Variants in TJP1 observed in about 807,000 individuals in gnomAD.
TJP1 encodes tight junction protein ZO-1.
In TJP1, 43 loss-of-function variants were observed where a neutral mutation model predicts 194.2. The ratio of observed to expected loss-of-function variants is 0.22; its 90% confidence interval spans 0.17 to 0.29. The LOEUF is 0.29. TJP1 is among the 10% of genes least tolerant of loss of function. The pLI is 1.00. For missense variants in TJP1, 1,971 were observed against 2,185.7 expected, an observed-to-expected ratio of 0.90 and a Z score of 1.96; for synonymous variants, 801 against 779.0, an observed-to-expected ratio of 1.03 and a Z score of -0.47.
intron 2 of TJP1, among the ~76,000 whole-genome samples, chr15:29,849,180 C>T (rs1046108309): frequency 6.6e-6 from 1 of 152,020 alleles, no homozygotes; most frequent in African/African-American, 2.4e-5. Flanking sequence ...AAATAATTTT[C>T]TTCACGAAAT....
chr15:29,915,392 C>T (rs2054152382), intron 2 of TJP1, among the ~76,000 whole-genome samples: 1 of 152,104 alleles, frequency 6.6e-6, no homozygotes, highest in Non-Finnish European at 1.5e-5. Flanking sequence ...TTCCCCAATT[C>T]CTCTTCTACA....
chr15:29,866,878 G>C (rs1412624501), intron 2 of TJP1, among the ~76,000 whole-genome samples: 1 of 152,172 alleles, frequency 6.6e-6, no homozygotes, highest in Non-Finnish European at 1.5e-5. Flanking sequence ...GAGACAACCA[G>C]GAAGACAGCG....
chr15:29,741,537 G>A (rs2044419968), intron 9 of TJP1, 101 bp from the exon 10 acceptor site: 1 of 743,008 alleles, frequency 1.3e-6, no homozygotes, highest in South Asian at 1.7e-5. Context: ...AGAACCTGAT[G>A]AGGAACATAT....
At position 29,856,159 on chromosome 15, in the gene TJP1, G is replaced by A. The variant is rs910010081; in HGVS notation, c.307-55457C>T. Among the ~76,000 whole-genome samples the A allele has an allele frequency of 5.3e-5, 8 of 152,244 alleles. No homozygotes were observed. The East Asian group carries it at 9.7e-4, about 18-fold the overall frequency. On this transcript the variant is annotated intron_variant, in intron 2 of 28. Transcript: ENST00000356107. ...AAAATGAATGTAGCCAGGAGAGGTGGCATGCACCTGTAGTCTTAGCTACTC... is the reference window on the plus strand; with the variant it reads ...AAAATGAATGTAGCCAGGAGAGGTGACATGCACCTGTAGTCTTAGCTACTC...
At chr15:29,893,867 A>C (rs1567172864) in intron 2 of TJP1, among the ~76,000 whole-genome samples, 1 of 152,154 alleles carries the variant, frequency 6.6e-6, no homozygotes, top group Non-Finnish European at 1.5e-5. Context: ...TAAAAAAACA[A>C]AACTTCTGAA....
chr15:29,817,325 G>A (rs538497903), intron 1 of TJP1, among the ~76,000 whole-genome samples: 10 of 152,262 alleles, frequency 6.6e-5, no homozygotes, highest in African/African-American at 2.4e-4. Flanking sequence ...TAGAAAGTCA[G>A]GAAACAACAG....
chr15:29,702,145 A>G (rs746253064), intron 27 of TJP1, among the ~76,000 whole-genome samples: 3 of 151,634 alleles, frequency 2.0e-5, no homozygotes, highest in Non-Finnish European at 4.4e-5. Flanking sequence ...GTGATCACCT[A>G]TTTGAGCTGA....
intron 2 of TJP1, among the ~76,000 whole-genome samples, chr15:29,846,975 A>G (rs142257734): frequency 3.7e-4 from 57 of 152,296 alleles, no homozygotes; most frequent in Admixed American, 3.9e-4. Context: ...GATCAAGGAA[A>G]ATGGTCTGAA....
chr15:29,775,833 AC>A (rs1168818981), intron 2 of TJP1, among the ~76,000 whole-genome samples: 1 of 152,132 alleles, frequency 6.6e-6, no homozygotes, highest in Non-Finnish European at 1.5e-5. Flanking sequence ...GCCAAAATTG[AC>A]CCTATTATAA....
intron 2 of TJP1, among the ~76,000 whole-genome samples, chr15:29,853,234 T>A (rs2051714355): frequency 6.6e-6 from 1 of 152,192 alleles, no homozygotes; most frequent in Non-Finnish European, 1.5e-5. Context: ...GATCAGTTCT[T>A]CCAGCATCTG....
At chr15:29,819,633 C>T in intron 1 of TJP1, among the ~76,000 whole-genome samples, 1 of 152,134 alleles carries the variant, frequency 6.6e-6, no homozygotes, top group South Asian at 2.1e-4. Flanking sequence ...ATCATTTTAT[C>T]ATGTAGGTTT....
At chr15:29,925,274 T>C (rs552562109) in intron 2 of TJP1, among the ~76,000 whole-genome samples, 1 of 152,340 alleles carries the variant, frequency 6.6e-6, no homozygotes, top group Admixed American at 6.5e-5. Flanking sequence ...TTGGAATTCT[T>C]ATTCTACTCT....
chr15:29,888,868 A>T (rs1012313909), intron 2 of TJP1, among the ~76,000 whole-genome samples: 5 of 152,210 alleles, frequency 3.3e-5, no homozygotes, highest in African/African-American at 1.2e-4. Flanking sequence ...AGTGCTAAAG[A>T]GTGGGGCTAA....
chr15:29,834,960 G>A (rs761655289), intron 2 of TJP1, among the ~76,000 whole-genome samples: 7 of 152,188 alleles, frequency 4.6e-5, no homozygotes, highest in Non-Finnish European at 1.5e-5. Flanking sequence ...CACACATGGC[G>A]AAGGCATCAG....
chr15:29,942,945 C>T (rs1478699369), intron 2 of TJP1, among the ~76,000 whole-genome samples: 4 of 152,156 alleles, frequency 2.6e-5, no homozygotes, highest in Non-Finnish European at 5.9e-5. Context: ...ATCTTTAGCA[C>T]CCATTATGGA....
At chr15:29,872,220 G>A (rs1188667289) in intron 2 of TJP1, among the ~76,000 whole-genome samples, 1 of 152,174 alleles carries the variant, frequency 6.6e-6, no homozygotes, top group Non-Finnish European at 1.5e-5. Flanking sequence ...ATGCTGTAGG[G>A]TTAGAGAGGT....
At chr15:29,771,380 CGGTAAA>C (rs574448777) in intron 4 of TJP1, among the ~76,000 whole-genome samples, 279 of 152,162 alleles carry the variant, frequency 1.8e-3, no homozygotes, top group Middle Eastern at 3.4e-3. Flanking sequence ...TATCTAAACA[CGGTAAA>C]GGTAAATACA....
chr15:29,820,595 G>A (rs12909418), intron 1 of TJP1: 1 of 716,402 alleles, frequency 1.4e-6, no homozygotes, highest in Non-Finnish European at 2.6e-6. Flanking sequence ...AAAGTGTGTT[G>A]TCTTGCATAT....
intron 25 of TJP1, among the ~76,000 whole-genome samples, chr15:29,706,231 C>A (rs979265716): frequency 6.6e-6 from 1 of 152,056 alleles, no homozygotes; most frequent in Non-Finnish European, 1.5e-5. Context: ...CCGCGCCTGG[C>A]GAGAATATTA....
Sources: gnomAD v4.1 joint callset for allele counts (sites outside exome capture counted in the v4.1 genomes callset) on GRCh38, gnomAD v4.1.1 for gene constraint, MANE v1.5 for transcripts, NCBI Gene and HGNC (gene_info 2026-07-23, HGNC 2026-07-21) for gene names.